The following LRRC61 variants were observed in gnomAD, a reference collection of about 807,000 sequenced individuals.
LRRC61 encodes the protein leucine-rich repeat-containing protein 61.
A neutral mutation model predicts 15.1 loss-of-function variants in LRRC61; 9 were observed. The ratio of observed to expected loss-of-function variants is 0.60; its 90% confidence interval spans 0.36 to 1.04. LRRC61 has a LOEUF of 1.04. Among genes scored for constraint, LRRC61 ranks in the 50% least tolerant of loss-of-function variants. The pLI is 0.01. For synonymous variants in LRRC61, 173 were observed against 158.6 expected (o/e 1.09, Z -0.68); for missense variants, 344 against 335.6 (o/e 1.03, Z -0.20).
Position 150,337,381 on chromosome 7 carries a change from C to A in LRRC61, c.520C>A (p.Gln174Lys). ...RVIGRGSEFYQLCRDLDSSLR... is the reference protein window; with the variant it reads ...RVIGRGSEFYKLCRDLDSSLR... ...GATTGGGCGTGGTAGTGAGTTCTAC[C>A]AGCTGTGCCGAGACCTGGACAGCTC... The change falls in exon 3 of 3, where the codon CAG (glutamine) becomes AAG (lysine). Residue 174 changes from glutamine (Q) to lysine (K), a missense_variant. Transcript: ENST00000359623. 1 of 1,605,724 alleles carries A rather than the reference C, an allele frequency of 6.2e-7. No individual in the cohort carries two copies.
upstream of LRRC61, chr7:150,322,547 G>T (rs1165830217): frequency 2.0e-5 from 3 of 152,196 alleles, no homozygotes; most frequent in Non-Finnish European, 4.4e-5. Context: ...ACTCTATATG[G>T]TCTAAAAAGG....
chr7:150,338,077 T>A lies in LRRC61; in HGVS notation c.*436T>A. 2.1e-6 allele frequency: 1 copy of A among 471,104 alleles called. No individual in the cohort carries two copies. The highest frequency in any genetic ancestry group is 3.8e-6 in the Non-Finnish European group (1 of 265,040). 29.2% of individuals were successfully genotyped at this position (471,104 alleles called of 1,614,324 possible). ...CAAATGTGCCTCTCCAGACTGCTCCTGCACTTACCCCCTCCCCGCAGCACC... is the reference window on the plus strand; with the variant it reads ...CAAATGTGCCTCTCCAGACTGCTCCAGCACTTACCCCCTCCCCGCAGCACC... On this transcript the variant is annotated 3_prime_UTR_variant, in exon 3 of 3. Coordinates refer to ENST00000359623, the MANE Select transcript of LRRC61 (RefSeq NM_001142928.2).
rs771166097 is a variant in LRRC61 at position 150,330,569 on chromosome 7, G to A, written c.-145+4559G>A. ...AGCTGGCTGAGGGGTTGGCCCGGCA[G>A]CTCTGCACCGACTGTCAGCTCAACA... On this transcript the variant is annotated intron_variant, in intron 2 of 2. Transcript: ENST00000359623. The surrounding 1 kb of genome is among the most constrained non-coding windows in gnomAD (Gnocchi z 4.6). The A allele has an allele frequency of 1.3e-6, 1 of 784,500 alleles. No individual in the cohort carries two copies. Among genetic ancestry groups the A allele is most frequent in the East Asian group, 2.4e-5 (1 of 41,270 alleles). 48.6% of individuals were successfully genotyped at this position (784,500 alleles called of 1,614,324 possible).
chr7:150,334,605 TCCAG>T (rs1245513408), intron 2 of LRRC61, among the ~76,000 whole-genome samples: 6 of 152,214 alleles, frequency 3.9e-5, no homozygotes, highest in Non-Finnish European at 7.3e-5. Flanking sequence ...CCTGGATCCC[TCCAG>T]CCTGGAGCTC....
In LRRC61 at chr7:150,330,094, G is replaced by T; in HGVS notation, c.-145+4084G>T. ...GACTCCCTGGTGAGAAACTTTCTGT[G>T]TCACCCTCACAGTGTCCAGATCATC... On this transcript the variant is annotated intron_variant, in intron 2 of 2. Coordinates refer to ENST00000359623, the MANE Select transcript of LRRC61 (RefSeq NM_001142928.2). The surrounding 1 kb of genome is among the most constrained non-coding windows in gnomAD (Gnocchi z 4.6). The T allele has an allele frequency of 2.8e-6, 1 of 358,338 alleles. No homozygotes were observed. The highest frequency in any genetic ancestry group is 7.5e-4 in the Middle Eastern group (1 of 1,338). The allele number at this position is 358,338 out of a possible 1,614,324, so 22.2% of individuals were successfully genotyped here.
chr7:150,318,814 C>T (rs1321865669), upstream of LRRC61, among the ~76,000 whole-genome samples: 2 of 152,164 alleles, frequency 1.3e-5, no homozygotes, highest in Non-Finnish European at 2.9e-5. Context: ...TCTGGGGGCC[C>T]GTGAGCCCAA....
rs1797790853 is a variant in LRRC61, at chr7:150,323,516, C to T, written c.-359C>T. 2.3e-6 allele frequency: 1 copy of T among 436,618 alleles called. No homozygotes were observed. Among genetic ancestry groups the T allele is most frequent in the Admixed American group, 2.5e-5 (1 of 40,114 alleles). 27.0% of individuals were successfully genotyped at this position (436,618 alleles called of 1,614,324 possible). ...GCGGTGCGGAGTTGCGCCGGACTTCCCAGCTTGGCCAGTGGCTCCGCAGGC... is the reference window on the plus strand; with the variant it reads ...GCGGTGCGGAGTTGCGCCGGACTTCTCAGCTTGGCCAGTGGCTCCGCAGGC... On this transcript the variant is annotated 5_prime_UTR_variant, in exon 1 of 3. Coordinates refer to ENST00000359623, the MANE Select transcript of LRRC61 (RefSeq NM_001142928.2).
chr7:150,333,579 C>T lies in LRRC61; in HGVS notation c.-144-3139C>T, dbSNP rs997527010. On this transcript the variant is annotated intron_variant, in intron 2 of 2. Coordinates refer to ENST00000359623, the MANE Select transcript of LRRC61 (RefSeq NM_001142928.2). This position sits in a 1 kb window ranked among gnomAD's most constrained non-coding sequence, Gnocchi z 4.3. ...TGGGCCTCATTTCCCAGGCAGAAGA[C>T]ACTCACCAACGCCTGGGACCATCTT... 2.8e-4 allele frequency among the ~76,000 whole-genome samples: 42 copies of T among 152,224 alleles called. No individual in the cohort carries two copies. Among genetic ancestry groups the T allele is most frequent in the African/African-American group, 9.6e-4 (40 of 41,454 alleles).
upstream of LRRC61, among the ~76,000 whole-genome samples, chr7:150,319,230 G>A (rs1248152760): frequency 2.0e-5 from 3 of 148,032 alleles, no homozygotes; most frequent in African/African-American, 7.5e-5. Flanking sequence ...TTGAGACAGA[G>A]TCTCACTCTG....
At chr7:150,316,614 C>A in the LRRC61 span, among the ~76,000 whole-genome samples, 1 of 151,486 alleles carries the variant, frequency 6.6e-6, no homozygotes, top group Non-Finnish European at 1.5e-5. Flanking sequence ...GCCTCCTGAG[C>A]AGCTGGGACT....
chr7:150,326,838 G>A (rs1797973480), intron 2 of LRRC61, among the ~76,000 whole-genome samples: 1 of 152,220 alleles, frequency 6.6e-6, no homozygotes, highest in Admixed American at 6.5e-5. Context: ...TGTGGGCCCA[G>A]GACAGCAGCC....
chr7:150,314,432 A>G, the LRRC61 span, among the ~76,000 whole-genome samples: 1 of 152,210 alleles, frequency 6.6e-6, no homozygotes, highest in Non-Finnish European at 1.5e-5. Context: ...CCTCTACCTC[A>G]GGGTACTGAT....
At chr7:150,332,970 CG>C (rs772389654) in intron 2 of LRRC61, among the ~76,000 whole-genome samples, 1 of 152,150 alleles carries the variant, frequency 6.6e-6, no homozygotes. Context: ...ACTCACATGT[CG>C]GGGCGGGGAG....
At chr7:150,313,609 C>A in the LRRC61 span, among the ~76,000 whole-genome samples, 1 of 152,164 alleles carries the variant, frequency 6.6e-6, no homozygotes, top group Non-Finnish European at 1.5e-5. Context: ...GAGGCATATC[C>A]AACCCTCCCT....
Position 150,337,495 on chromosome 7 carries a change from A to C in LRRC61, c.634A>C (p.Ser212Arg). The change falls in exon 3 of 3, where the codon AGC becomes CGC. Residue 212 changes from serine (S) to arginine (R), a missense_variant. Ser to Arg is a moderately radical substitution (Grantham distance 110, BLOSUM62 -1). Coordinates refer to ENST00000359623, the MANE Select transcript of LRRC61 (RefSeq NM_001142928.2). Reference sequence around the variant, plus strand: ...CTACTGGGAGTCCTGGCCCAGCCGGAGCAGCTCCATCCTGGAGGAGGCCTG... The same window carrying C: ...CTACTGGGAGTCCTGGCCCAGCCGGCGCAGCTCCATCCTGGAGGAGGCCTG... The part of the protein sequence containing the change: ...PGYWESWPSR[S>R]SSILEEACRQ... 6.2e-7 allele frequency: 1 copy of C among 1,602,804 alleles called. No homozygotes were observed. Among genetic ancestry groups the C allele is most frequent in the Non-Finnish European group, 8.5e-7 (1 of 1,179,166 alleles).
chr7:150,321,585 C>A (rs1797519667), upstream of LRRC61, among the ~76,000 whole-genome samples: 1 of 152,050 alleles, frequency 6.6e-6, no homozygotes, highest in African/African-American at 2.4e-5. Context: ...ACTAAAAATA[C>A]AAAAATTAGC....
chr7:150,333,206 G>T lies in LRRC61; in HGVS notation c.-144-3512G>T, dbSNP rs1312265313. Among the ~76,000 whole-genome samples, 1 of 152,166 alleles carries T rather than the reference G, an allele frequency of 6.6e-6. No individual in the cohort carries two copies. The highest frequency in any genetic ancestry group is 1.5e-5 in the Non-Finnish European group (1 of 68,014). On this transcript the variant is annotated intron_variant, in intron 2 of 2. Transcript: ENST00000359623. The surrounding 1 kb of genome is among the most constrained non-coding windows in gnomAD (Gnocchi z 4.3). Reference sequence around the variant, plus strand: ...GATTGGGTGAGGATGAAAGGAAGAGGGTGAGAGAGCTTGATGGCACCGAAC... The same window carrying T: ...GATTGGGTGAGGATGAAAGGAAGAGTGTGAGAGAGCTTGATGGCACCGAAC...
the LRRC61 span, among the ~76,000 whole-genome samples, chr7:150,318,206 T>A: frequency 6.6e-6 from 1 of 152,170 alleles, no homozygotes; most frequent in Non-Finnish European, 1.5e-5. Flanking sequence ...TGGATAATGT[T>A]CTTGTTTTGT....
At position 150,330,061 on chromosome 7, in the gene LRRC61, A is replaced by G; in HGVS notation, c.-145+4051A>G. On this transcript the variant is annotated intron_variant, in intron 2 of 2. Transcript: ENST00000359623. The surrounding 1 kb of genome is among the most constrained non-coding windows in gnomAD (Gnocchi z 4.6). Reference sequence around the variant, plus strand: ...TGTTCCCCCATCCCTTGTTTCGCCCACTGCCTCGACTCCCTGGTGAGAAAC... The same window carrying G: ...TGTTCCCCCATCCCTTGTTTCGCCCGCTGCCTCGACTCCCTGGTGAGAAAC... 3.8e-6 allele frequency: 1 copy of G among 262,516 alleles called. No homozygotes were observed. Among genetic ancestry groups the G allele is most frequent in the Non-Finnish European group, 7.3e-6 (1 of 136,334 alleles). 16.3% of individuals were successfully genotyped at this position (262,516 alleles called of 1,614,324 possible). A position where few individuals can be genotyped will look rare whatever the true frequency, so the allele number is the denominator to read the frequency against.
Sources: gnomAD v4.1 joint callset for allele counts (sites outside exome capture counted in the v4.1 genomes callset) on GRCh38, gnomAD v4.1.1 for gene constraint, Gnocchi (gnomAD v3.1) non-coding constraint, MANE v1.5 for transcripts, NCBI Gene and HGNC (gene_info 2026-07-23, HGNC 2026-07-21) for gene names.